DISC1: variants seen among roughly 807,000 people sequenced by gnomAD.
DISC1 encodes the protein disrupted in schizophrenia 1 protein.
In DISC1, 57 loss-of-function variants were observed where a neutral mutation model predicts 84.5. The observed-to-expected ratio is 0.67, with a 90% CI of 0.55 to 0.84. The LOEUF (loss-of-function observed/expected upper bound fraction) is 0.84, where lower values mean the gene tolerates loss of function less well. Among genes scored for constraint, DISC1 ranks in the 40% least tolerant of loss-of-function variants. The pLI is 0.00. For missense variants in DISC1, 1,000 were observed against 1,057.8 expected (o/e 0.95, Z 0.76); for synonymous variants, 411 against 415.2 (o/e 0.99, Z 0.12).
intron 9 of DISC1, among the ~76,000 whole-genome samples, chr1:231,891,013 GAAACTGAGGGAT>G (rs1399623607): frequency 3.9e-5 from 6 of 152,144 alleles, no homozygotes; most frequent in African/African-American, 1.4e-4. Flanking sequence ...GAAGCCTTAG[GAAACTGAGGGAT>G]AGACACGCTC....
At chr1:231,900,439 C>T (rs2088073982) in intron 9 of DISC1, among the ~76,000 whole-genome samples, 1 of 152,204 alleles carries the variant, frequency 6.6e-6, no homozygotes, top group African/African-American at 2.4e-5. Flanking sequence ...ACGTGGTTCA[C>T]TAGTAGAAAA....
At chr1:231,774,212 CCACTG>C (rs2076780567) in intron 6 of DISC1, among the ~76,000 whole-genome samples, 1 of 151,920 alleles carries the variant, frequency 6.6e-6, no homozygotes, top group Admixed American at 6.6e-5. Flanking sequence ...TATGATTGTG[CCACTG>C]CAGTCCAGCC....
chr1:231,853,017 A>T (rs769140713), intron 9 of DISC1, among the ~76,000 whole-genome samples: 10 of 152,194 alleles, frequency 6.6e-5, no homozygotes, highest in Non-Finnish European at 4.4e-5. Flanking sequence ...ATTAGACTGC[A>T]GTTAGGAAAT....
In DISC1 at chr1:232,015,352, G is replaced by A. The variant is rs561633672; in HGVS notation, c.2307+6303G>A. Among the ~76,000 whole-genome samples the A allele has an allele frequency of 4.6e-5, 7 of 152,100 alleles. No individual in the cohort carries two copies. In the East Asian group the frequency reaches 7.7e-4, roughly 17 times the overall value. On this transcript the variant is annotated intron_variant, in intron 11 of 12. Coordinates refer to ENST00000439617, the MANE Select transcript of DISC1 (RefSeq NM_018662.3). The stretch of plus-strand genomic sequence containing the variant: ...AAACAACCTCAGGGCTCTTGGTGAC[G>A]CCGTTCACCTTGGAAATTCCTTGTC...
chr1:231,876,140 C>A (rs752032252), intron 9 of DISC1, among the ~76,000 whole-genome samples: 1 of 152,120 alleles, frequency 6.6e-6, no homozygotes, highest in African/African-American at 2.4e-5. Flanking sequence ...GAGGTAGGGA[C>A]CTGGGGGGAA....
chr1:231,686,683 CTTG>C (rs1192213579), intron 1 of DISC1, among the ~76,000 whole-genome samples: 4 of 152,204 alleles, frequency 2.6e-5, no homozygotes, highest in Non-Finnish European at 4.4e-5. Flanking sequence ...TAACATTTGG[CTTG>C]TTGTTACTTA....
In DISC1 at chr1:231,640,738, G is replaced by A. The variant is rs1002993402; in HGVS notation, c.67+13804G>A. Reference sequence around the variant, plus strand: ...TTTTGTAGAGACAGGATCTCCCTATGTTACCCGGGCTGGTCTCAAACTGCT... The same window carrying A: ...TTTTGTAGAGACAGGATCTCCCTATATTACCCGGGCTGGTCTCAAACTGCT... On this transcript the variant is annotated intron_variant, in intron 1 of 12. Transcript: ENST00000439617. 7.4e-4 allele frequency among the ~76,000 whole-genome samples: 112 copies of A among 151,958 alleles called. 2 individuals are homozygous for A. Among genetic ancestry groups the A allele is most frequent in the Non-Finnish European group, 2.4e-4 (16 of 67,980 alleles).
chr1:232,019,942 T>C (rs564823118), intron 11 of DISC1, among the ~76,000 whole-genome samples: 1 of 152,278 alleles, frequency 6.6e-6, no homozygotes, highest in South Asian at 2.1e-4. Context: ...CCTCCAGGAA[T>C]TGAGACTTTG....
At chr1:231,725,377 T>C (rs539448419) in intron 3 of DISC1, among the ~76,000 whole-genome samples, 1 of 152,316 alleles carries the variant, frequency 6.6e-6, no homozygotes, top group African/African-American at 2.4e-5. Flanking sequence ...CATCCCTAAC[T>C]GCCCTTATTG....
intron 9 of DISC1, among the ~76,000 whole-genome samples, chr1:231,932,927 G>A (rs1490664065): frequency 2.6e-5 from 4 of 152,130 alleles, no homozygotes; most frequent in Non-Finnish European, 5.9e-5. Flanking sequence ...TAGTTGTGAA[G>A]TTACTTTCAA....
chr1:231,672,226 G>A (rs138155293), intron 1 of DISC1, among the ~76,000 whole-genome samples: 2 of 152,138 alleles, frequency 1.3e-5, no homozygotes, highest in African/African-American at 4.8e-5. Context: ...GGTCTATTGA[G>A]TATATTTCTG....
chr1:231,723,645 C>T (rs908705796), intron 3 of DISC1: 5 of 985,452 alleles, frequency 5.1e-6, no homozygotes, highest in African/African-American at 1.7e-5. Context: ...ATTTTTGTCT[C>T]ATCAATTGGA....
At position 231,702,030 on chromosome 1, in the gene DISC1, TTTTAA is replaced by T; in HGVS notation, c.1117+10_1117+14del. On this transcript the variant is annotated splice_region_variant and intron_variant, in intron 3 of 12. Coordinates refer to ENST00000439617, the MANE Select transcript of DISC1 (RefSeq NM_018662.3). ...GAATGATGATTATGATAAAGGTGAG[TTTTAA>T]TTTGTTTATTGATTGTTTTGTCATC... 6.2e-7 allele frequency: 1 copy of T among 1,600,862 alleles called. No homozygotes were observed. Among genetic ancestry groups the T allele is most frequent in the South Asian group, 1.1e-5 (1 of 87,170 alleles).
At chr1:231,902,618 C>A (rs933951784) in intron 9 of DISC1, among the ~76,000 whole-genome samples, 1 of 151,902 alleles carries the variant, frequency 6.6e-6, no homozygotes, top group African/African-American at 2.4e-5. Flanking sequence ...AAACAAAACT[C>A]ATTATCTTAG....
intron 1 of DISC1, among the ~76,000 whole-genome samples, chr1:231,645,163 T>C (rs960836118): frequency 1.3e-5 from 2 of 152,170 alleles, no homozygotes; most frequent in African/African-American, 4.8e-5. Flanking sequence ...ATCGTCACCA[T>C]GGCCACCTTT....
intron 9 of DISC1, among the ~76,000 whole-genome samples, chr1:231,877,626 A>G (rs1042664677): frequency 6.6e-5 from 10 of 152,148 alleles, no homozygotes; most frequent in African/African-American, 2.4e-5. Context: ...TCCTCTTCCC[A>G]TTGGTGTTCA....
At chr1:231,800,566 CA>C (rs956244582) in intron 8 of DISC1, among the ~76,000 whole-genome samples, 2 of 152,076 alleles carry the variant, frequency 1.3e-5, no homozygotes, top group African/African-American at 4.8e-5. Flanking sequence ...TAACATGAGA[CA>C]AATTAATGTC....
chr1:232,034,992 G>C (rs1354604593), intron 12 of DISC1, among the ~76,000 whole-genome samples: 1 of 152,130 alleles, frequency 6.6e-6, no homozygotes, highest in South Asian at 2.1e-4. Context: ...CAAATGCAAG[G>C]AGAGAACCCT....
intron 3 of DISC1, among the ~76,000 whole-genome samples, chr1:231,724,922 G>A (rs200652585): frequency 6.6e-6 from 1 of 152,210 alleles, no homozygotes; most frequent in Non-Finnish European, 1.5e-5. Context: ...GGTACTGCTG[G>A]CTTTCTCTAC....
Sources: gnomAD v4.1 joint callset for allele counts (sites outside exome capture counted in the v4.1 genomes callset) on GRCh38, gnomAD v4.1.1 for gene constraint, MANE v1.5 for transcripts, NCBI Gene and HGNC (gene_info 2026-07-23, HGNC 2026-07-21) for gene names.